Variants in TMEM222 observed in about 807,000 individuals in gnomAD.
TMEM222 encodes the protein transmembrane protein 222.
TMEM222 carries 18 observed loss-of-function variants against 25.1 expected under a neutral mutation model. The observed-to-expected ratio is 0.72, with a 90% CI of 0.50 to 1.06. TMEM222 has a LOEUF of 1.06. TMEM222 is among the 50% of genes least tolerant of loss of function. TMEM222 has a pLI of 0.00. For synonymous variants in TMEM222, 131 were observed against 117.9 expected (o/e 1.11, Z -0.72); for missense variants, 296 against 293.7 (o/e 1.01, Z -0.06).
chr1:27,322,326 C>T lies in TMEM222; in HGVS notation c.129C>T (p.Val43=). 6.5e-7 allele frequency: 1 copy of T among 1,548,216 alleles called. No individual in the cohort carries two copies. Among genetic ancestry groups the T allele is most frequent in the Non-Finnish European group, 8.7e-7 (1 of 1,143,134 alleles). The change falls in exon 1 of 6, where the codon GTC becomes GTT. Residue 43 remains valine (V), a synonymous_variant. Coordinates refer to ENST00000374076, the MANE Select transcript of TMEM222 (RefSeq NM_032125.3). ...AGCAATATCAAGGCTCCGGCGGCGT[C>T]GCCATGGATGTGGAACGGAGTCGCT... ...DMKQYQGSGG[V]AMDVERSRFP...
chr1:27,323,225 C>A (rs1362187203), intron 1 of TMEM222, among the ~76,000 whole-genome samples: 1 of 152,180 alleles, frequency 6.6e-6, no homozygotes, highest in Non-Finnish European at 1.5e-5. Flanking sequence ...CAGGTTCGCA[C>A]CCCAATAAGC....
chr1:27,331,939 A>C, intron 2 of TMEM222, 131 bp from the exon 3 acceptor site: 3 of 847,104 alleles, frequency 3.5e-6, no homozygotes, highest in African/African-American at 1.7e-5. Flanking sequence ...GGCAGGGCCC[A>C]GGCCCCACTT....
chr1:27,328,872 GCTCGTGCC>G, intron 1 of TMEM222, among the ~76,000 whole-genome samples: 1 of 152,168 alleles, frequency 6.6e-6, no homozygotes, highest in Non-Finnish European at 1.5e-5. Flanking sequence ...GGTGCTTTAT[GCTCGTGCC>G]CAGGCAGCAT....
chr1:27,322,273 G>A lies in TMEM222; in HGVS notation c.76G>A (p.Ala26Thr), dbSNP rs765100519. ...PPPPRMAEVE[A>T]PTAAETDMKQ... is the part of the protein sequence containing the mutation. ...CCCGCCCAGGATGGCGGAAGTGGAG[G>A]CGCCGACGGCGGCCGAGACGGACAT... The change falls in exon 1 of 6, where the codon GCG (alanine) becomes ACG (threonine). Residue 26 changes from alanine (A) to threonine (T), a missense_variant. Ala to Thr is a moderately conservative substitution (Grantham distance 58, BLOSUM62 0). Coordinates refer to ENST00000374076, the MANE Select transcript of TMEM222 (RefSeq NM_032125.3). The A allele has an allele frequency of 6.5e-7, 1 of 1,545,654 alleles. No individual in the cohort carries two copies. Among genetic ancestry groups the A allele is most frequent in the Admixed American group, 1.9e-5 (1 of 51,716 alleles).
rs773513325 is a variant in TMEM222, at chr1:27,334,155, A to G, written c.413A>G (p.Asn138Ser). The change falls in exon 5 of 6, where the codon AAT becomes AGT. Residue 138 changes from asparagine to serine, a missense_variant. Transcript: ENST00000374076. ...ASEEYKHRMHNLCCDNCHSHV... is the reference protein window; with the variant it reads ...ASEEYKHRMHSLCCDNCHSHV... ...CAGCCCTTCTGGTGCCTCCAGCACA[A>G]TCTCTGCTGTGACAACTGCCACTCG... 4.3e-6 allele frequency: 7 copies of G among 1,614,016 alleles called. No homozygotes were observed. The Admixed American group carries it at 5.0e-5, about 12-fold the overall frequency.
chr1:27,322,310 A>G lies in TMEM222; in HGVS notation c.113A>G (p.Gln38Arg). The G allele has an allele frequency of 6.4e-7, 1 of 1,558,114 alleles. No homozygotes were observed. The highest frequency in any genetic ancestry group is 8.7e-7 in the Non-Finnish European group (1 of 1,148,636). ...GCCGAGACGGACATGAAGCAATATC[A>G]AGGCTCCGGCGGCGTCGCCATGGAT... The part of the protein sequence containing the change: ...TAAETDMKQY[Q>R]GSGGVAMDVE... Residue 38 changes from glutamine to arginine, a missense_variant, in exon 1 of 6, where the codon CAA (glutamine) becomes CGA (arginine). By Grantham distance (43) the Gln-to-Arg change is conservative. Coordinates refer to ENST00000374076, the MANE Select transcript of TMEM222 (RefSeq NM_032125.3).
At chr1:27,322,421 C>G (rs747143325) in intron 1 of TMEM222, 30 bp downstream of exon 1, 16 of 1,352,716 alleles carry the variant, frequency 1.2e-5, no homozygotes, top group Non-Finnish European at 1.5e-5. Context: ...CGCCTGGGGA[C>G]GAGGAGGGCC....
chr1:27,336,097 C>A lies in TMEM222; in HGVS notation c.*631C>A, dbSNP rs964997386. 6.4e-6 allele frequency: 1 copy of A among 155,166 alleles called. No individual in the cohort carries two copies. Among genetic ancestry groups the A allele is most frequent in the Non-Finnish European group, 1.4e-5 (1 of 70,028 alleles). The allele number at this position is 155,166 out of a possible 1,614,324, so 9.6% of individuals were successfully genotyped here. On this transcript the variant is annotated 3_prime_UTR_variant, in exon 6 of 6. Coordinates refer to ENST00000374076, the MANE Select transcript of TMEM222 (RefSeq NM_032125.3). ...CCTCCCAGCATTGGACCCATCTCCC[C>A]CTGCAGTTTGAGGCCAGAGAGGTGA...
intron 1 of TMEM222, among the ~76,000 whole-genome samples, chr1:27,327,072 C>T (rs150178066): frequency 1.3e-5 from 2 of 152,142 alleles, no homozygotes; most frequent in East Asian, 1.9e-4. Flanking sequence ...TTCCCATAAT[C>T]CTGAATGTCC....
At chr1:27,335,248 G>A in intron 5 of TMEM222, 131 bp from the exon 6 acceptor site, 1 of 835,690 alleles carries the variant, frequency 1.2e-6, no homozygotes, top group Non-Finnish European at 2.0e-6. Context: ...GGCCAAGTTT[G>A]GGGTGAGGGG....
In TMEM222 at chr1:27,334,266, A is replaced by G; in HGVS notation, c.524A>G (p.Tyr175Cys). ...ACGCTCTGCTTCTTCTGCCTGCTCT[A>G]CGGGAAGTACGTCAGGTGAGCTGCC... is the stretch of plus-strand genomic sequence containing the variant. Reference protein sequence around the residue: ...MVTLCFFCLLYGKYVSVGAFV... With the variant: ...MVTLCFFCLLCGKYVSVGAFV... Residue 175 changes from tyrosine (Y) to cysteine (C), a missense_variant, in exon 5 of 6, where the codon TAC (tyrosine) becomes TGC (cysteine). Coordinates refer to ENST00000374076, the MANE Select transcript of TMEM222 (RefSeq NM_032125.3). The G allele has an allele frequency of 6.2e-7, 1 of 1,614,184 alleles. No homozygotes were observed. The highest frequency in any genetic ancestry group is 1.7e-5 in the Admixed American group (1 of 60,022).
chr1:27,329,302 A>C (rs1264762871), intron 1 of TMEM222, among the ~76,000 whole-genome samples: 1 of 151,310 alleles, frequency 6.6e-6, no homozygotes, highest in East Asian at 1.9e-4. Context: ...TTTGCATATC[A>C]CACACTCATG....
chr1:27,324,584 G>A (rs1382280978), intron 1 of TMEM222, among the ~76,000 whole-genome samples: 1 of 152,208 alleles, frequency 6.6e-6, no homozygotes, highest in African/African-American at 2.4e-5. Context: ...AAGACACTGT[G>A]TTCCTGTCAA....
Position 27,322,300 on chromosome 1 carries a change from A to C in TMEM222, c.103A>C (p.Lys35Gln). Residue 35 changes from lysine (K) to glutamine (Q), a missense_variant, in exon 1 of 6, where the codon AAG becomes CAG. Transcript: ENST00000374076. The part of the protein sequence containing the change: ...EAPTAAETDM[K>Q]QYQGSGGVAM... Reference sequence around the variant, plus strand: ...GCCGACGGCGGCCGAGACGGACATGAAGCAATATCAAGGCTCCGGCGGCGT... The same window carrying C: ...GCCGACGGCGGCCGAGACGGACATGCAGCAATATCAAGGCTCCGGCGGCGT... 3 of 1,563,206 alleles carry C rather than the reference A, an allele frequency of 1.9e-6. No individual in the cohort carries two copies. The highest frequency in any genetic ancestry group is 2.6e-6 in the Non-Finnish European group (3 of 1,152,338).
chr1:27,335,160 C>T (rs1302056739), intron 5 of TMEM222: 20 of 585,316 alleles, frequency 3.4e-5, no homozygotes, highest in East Asian at 3.1e-4. Flanking sequence ...TCACCAGGAG[C>T]GCGGAGCAGC....
At chr1:27,334,379 G>T in intron 5 of TMEM222, 98 bp downstream of exon 5, 1 of 1,562,450 alleles carries the variant, frequency 6.4e-7, no homozygotes, top group Non-Finnish European at 8.7e-7. Context: ...AGTCAGCCAG[G>T]ACAGTTGGAA....
Position 27,322,186 on chromosome 1 carries a change from GGCGCGCGCCGCATGGCGGAAGCGGA to G in TMEM222, c.-11_14del. ...CCAGAGCCGGGGCCAGTCGGAGCGG[GGCGCGCGCCGCATGGCGGAAGCGGA>G]AGGGAGTTCTCTGCTCTTGTTGCCG... On this transcript the variant is annotated start_lost and 5_prime_UTR_variant, in exon 1 of 6. Coordinates refer to ENST00000374076, the MANE Select transcript of TMEM222 (RefSeq NM_032125.3). The G allele has an allele frequency of 2.9e-6, 4 of 1,381,694 alleles. No individual in the cohort carries two copies. The South Asian group carries it at 6.5e-5, about 23-fold the overall frequency. The allele number at this position is 1,381,694 out of a possible 1,614,324, so 85.6% of individuals were successfully genotyped here. A position where few individuals can be genotyped will look rare whatever the true frequency, so the allele number is the denominator to read the frequency against.
chr1:27,328,147 A>T (rs917411969), intron 1 of TMEM222, among the ~76,000 whole-genome samples: 2 of 152,190 alleles, frequency 1.3e-5, no homozygotes, highest in Admixed American at 1.3e-4. Context: ...GTGCTGGAAG[A>T]CACCGTTCAG....
At chr1:27,329,187 T>G (rs1022194493) in intron 1 of TMEM222, among the ~76,000 whole-genome samples, 1 of 151,664 alleles carries the variant, frequency 6.6e-6, no homozygotes, top group African/African-American at 2.4e-5. Context: ...CCACCCATAC[T>G]GGTGTCATGA....
Sources: gnomAD v4.1 joint callset for allele counts (sites outside exome capture counted in the v4.1 genomes callset) on GRCh38, gnomAD v4.1.1 for gene constraint, MANE v1.5 for transcripts, NCBI Gene and HGNC (gene_info 2026-07-23, HGNC 2026-07-21) for gene names.